NELL1: variants seen among roughly 807,000 people sequenced by gnomAD.
NELL1 encodes neural EGFL like 1, also known as protein kinase C-binding protein NELL1.
NELL1 carries 76 observed loss-of-function variants against 107.4 expected under a neutral mutation model. That is an observed-to-expected ratio of 0.71 (90% CI 0.59 to 0.86). NELL1 has a LOEUF of 0.86. Ranked by LOEUF, NELL1 falls within the 40% of genes least tolerant of loss-of-function variation. The pLI is 0.00. For synonymous variants in NELL1, 353 were observed against 341.2 expected, an observed-to-expected ratio of 1.03 and a Z score of -0.38; for missense variants, 1,024 against 1,005.5, an observed-to-expected ratio of 1.02 and a Z score of -0.25.
At chr11:21,448,834 G>C (rs867790991) in intron 15 of NELL1, among the ~76,000 whole-genome samples, 2 of 152,020 alleles carry the variant, frequency 1.3e-5, no homozygotes, top group African/African-American at 4.8e-5. Flanking sequence ...TATTTTATCA[G>C]ACATTTTTCA....
At chr11:21,043,255 G>C (rs528964610) in intron 12 of NELL1, among the ~76,000 whole-genome samples, 5 of 152,172 alleles carry the variant, frequency 3.3e-5, no homozygotes, top group African/African-American at 1.2e-4. Flanking sequence ...CATTGCAGGG[G>C]ATATAACAGT....
intron 14 of NELL1, among the ~76,000 whole-genome samples, chr11:21,282,523 T>C (rs986281334): frequency 2.9e-5 from 4 of 136,034 alleles, no homozygotes; most frequent in African/African-American, 1.1e-4. Flanking sequence ...AGATCAGCAA[T>C]AAGATGCCGG....
At chr11:21,069,712 T>A (rs560372468) in intron 12 of NELL1, among the ~76,000 whole-genome samples, 28 of 152,336 alleles carry the variant, frequency 1.8e-4, no homozygotes, top group African/African-American at 6.5e-4. Flanking sequence ...TTTAGTATCT[T>A]TCTTGACTGA....
intron 2 of NELL1, among the ~76,000 whole-genome samples, chr11:20,689,876 G>T (rs1473389158): frequency 1.3e-5 from 2 of 151,274 alleles, no homozygotes; most frequent in South Asian, 4.2e-4. Flanking sequence ...CTTCCACAAT[G>T]GTTGAACTAG....
At chr11:21,531,177 A>G (rs989823687) in intron 15 of NELL1, among the ~76,000 whole-genome samples, 6 of 152,162 alleles carry the variant, frequency 3.9e-5, no homozygotes, top group African/African-American at 1.4e-4. Flanking sequence ...ACACAAACAC[A>G]CACACACATA....
At chr11:21,095,530 A>G (rs1056354324) in intron 12 of NELL1, among the ~76,000 whole-genome samples, 1 of 152,160 alleles carries the variant, frequency 6.6e-6, no homozygotes, top group Non-Finnish European at 1.5e-5. Context: ...AAAAAGAAAG[A>G]GGTTTAATTG....
intron 3 of NELL1, among the ~76,000 whole-genome samples, chr11:20,830,069 C>T (rs532891358): frequency 5.3e-5 from 8 of 151,994 alleles, no homozygotes; most frequent in South Asian, 4.2e-4. Context: ...GTCAAGAGAT[C>T]GACACCATCC....
At chr11:20,703,843 GT>G (rs1468104694) in intron 2 of NELL1, among the ~76,000 whole-genome samples, 3 of 152,136 alleles carry the variant, frequency 2.0e-5, no homozygotes, top group Admixed American at 6.6e-5. Flanking sequence ...CTGAGTTCTA[GT>G]TTGATTGCAC....
intron 14 of NELL1, among the ~76,000 whole-genome samples, chr11:21,336,651 G>GTA (rs71034503): frequency 6.9e-4 from 91 of 132,066 alleles, no homozygotes; most frequent in African/African-American, 2.3e-3. Context: ...ATATGTGTGT[G>GTA]TATATATATA....
intron 12 of NELL1, among the ~76,000 whole-genome samples, chr11:21,105,315 T>C (rs1854924496): frequency 6.6e-6 from 1 of 152,134 alleles, no homozygotes. Flanking sequence ...CAAGGCAAAG[T>C]GCACAGTGTT....
intron 4 of NELL1, among the ~76,000 whole-genome samples, chr11:20,880,942 G>A (rs1347123377): frequency 6.6e-6 from 1 of 152,112 alleles, no homozygotes; most frequent in Non-Finnish European, 1.5e-5. Context: ...TTTTTCGGTG[G>A]GGTGGAGGGG....
intron 14 of NELL1, chr11:21,284,979 C>G (rs1449351368): frequency 5.2e-6 from 1 of 191,990 alleles, no homozygotes; most frequent in Non-Finnish European, 1.1e-5. Flanking sequence ...TAAGCTATCC[C>G]TCAAAGTCTG....
chr11:21,254,749 G>A (rs1249523852), intron 14 of NELL1, among the ~76,000 whole-genome samples: 1 of 152,060 alleles, frequency 6.6e-6, no homozygotes, highest in Non-Finnish European at 1.5e-5. Context: ...CTTTCTATTT[G>A]CTATTAAGTA....
chr11:20,797,168 T>TGGA (rs1857185860), intron 3 of NELL1, among the ~76,000 whole-genome samples: 4 of 152,138 alleles, frequency 2.6e-5, no homozygotes, highest in Non-Finnish European at 5.9e-5. Flanking sequence ...GGAAAGGATA[T>TGGA]AAGCACAGGC....
chr11:20,713,101 C>T (rs535153214), intron 2 of NELL1, among the ~76,000 whole-genome samples: 37 of 152,316 alleles, frequency 2.4e-4, no homozygotes, highest in Admixed American at 6.5e-4. Context: ...GGTTGGCCTC[C>T]AGCCAGGAGG....
intron 16 of NELL1, among the ~76,000 whole-genome samples, chr11:21,540,751 G>T (rs1564949943): frequency 1.3e-5 from 2 of 152,060 alleles, no homozygotes; most frequent in Non-Finnish European, 1.5e-5. Flanking sequence ...CTACTCCCAT[G>T]ATTGAATCAC....
rs137899651 is a variant in NELL1 at position 21,374,556 on chromosome 11, G to A, written c.1645+3608G>A. 2.5e-3 allele frequency among the ~76,000 whole-genome samples: 383 copies of A among 152,122 alleles called. 2 individuals carry two copies. Among genetic ancestry groups the A allele is most frequent in the African/African-American group, 9.1e-3 (377 of 41,514 alleles). The stretch of plus-strand genomic sequence containing the variant: ...GTTGGCCACGTTCTGTTCCTTAGAG[G>A]AGACTCACTCTAGCCCACACTCAAG... On this transcript the variant is annotated intron_variant, in intron 15 of 19. Transcript: ENST00000357134.
intron 2 of NELL1, among the ~76,000 whole-genome samples, chr11:20,693,812 C>T (rs1026095110): frequency 2.0e-5 from 3 of 152,154 alleles, no homozygotes; most frequent in Middle Eastern, 3.4e-3. Flanking sequence ...CTCTGTATTT[C>T]CTGAATCTGA....
chr11:20,967,783 G>T (rs2134224740), intron 12 of NELL1, among the ~76,000 whole-genome samples: 1 of 152,290 alleles, frequency 6.6e-6, no homozygotes, highest in African/African-American at 2.4e-5. Flanking sequence ...AGTGTAAGCA[G>T]ATTATGCTAC....
Sources: allele counts gnomAD v4.1 joint callset (sites outside exome capture counted in the v4.1 genomes callset), GRCh38; gene constraint gnomAD v4.1.1; transcripts MANE v1.5; gene names NCBI Gene and HGNC (gene_info 2026-07-23, HGNC 2026-07-21).